Variants in CSNK1D observed in about 807,000 individuals in gnomAD.
CSNK1D encodes the protein casein kinase 1 delta, also known as casein kinase I isoform delta.
CSNK1D carries 16 observed loss-of-function variants against 46.6 expected under a neutral mutation model. The observed-to-expected ratio is 0.34, with a 90% CI of 0.23 to 0.52. CSNK1D has a LOEUF of 0.52. Ranked by LOEUF, CSNK1D falls within the 20% of genes least tolerant of loss-of-function variation. The pLI is 0.95. For synonymous variants in CSNK1D, 276 were observed against 228.2 expected (o/e 1.21, Z -1.89); for missense variants, 398 against 578.4 (o/e 0.69, Z 3.20).
rs552460097 is a variant in CSNK1D, at chr17:82,253,344, C to T, written c.337-100G>A. The stretch of plus-strand genomic sequence containing the variant: ...ACATCAGTGGCTGCATTGTTCCTGC[C>T]CCTCAGCCACAGCAGGGTAGTTTAA... On this transcript the variant is annotated intron_variant, in intron 3 of 8. Coordinates refer to ENST00000314028, the MANE Select transcript of CSNK1D (RefSeq NM_001893.6). 4.2e-6 allele frequency: 4 copies of T among 948,458 alleles called. No homozygotes were observed. The Admixed American group carries it at 6.8e-5, about 16-fold the overall frequency. 58.8% of individuals were successfully genotyped at this position (948,458 alleles called of 1,614,324 possible). A position where few individuals can be genotyped will look rare whatever the true frequency, so the allele number is the denominator to read the frequency against.
At position 82,273,637 on chromosome 17, in the gene CSNK1D, A is replaced by G. The variant is rs2051702532; in HGVS notation, c.-256T>C. On this transcript the variant is annotated 5_prime_UTR_variant, in exon 1 of 9. Coordinates refer to ENST00000314028, the MANE Select transcript of CSNK1D (RefSeq NM_001893.6). This position sits in a 1 kb window ranked among gnomAD's most constrained non-coding sequence, Gnocchi z 5.1. Reference sequence around the variant, plus strand: ...CTTGCCCTCTCCCCGCCGCGGATGGACTCGGATCTTCCGGGCCTAAATCCC... The same window carrying G: ...CTTGCCCTCTCCCCGCCGCGGATGGGCTCGGATCTTCCGGGCCTAAATCCC... 1 of 547,864 alleles carries G rather than the reference A, an allele frequency of 1.8e-6. No individual in the cohort carries two copies. The highest frequency in any genetic ancestry group is 2.3e-5 in the South Asian group (1 of 42,962). The allele number at this position is 547,864 out of a possible 1,614,324, so 33.9% of individuals were successfully genotyped here.
chr17:82,239,662 C>T (rs757974913), downstream of CSNK1D: 75 of 307,890 alleles, frequency 2.4e-4, no homozygotes, highest in Admixed American at 5.1e-4. Flanking sequence ...GCCTGGAGGC[C>T]GCTGTGCCAG....
intron 2 of CSNK1D, among the ~76,000 whole-genome samples, chr17:82,258,595 A>G (rs1326789316): frequency 3.3e-5 from 5 of 152,064 alleles, no homozygotes; most frequent in Non-Finnish European, 7.4e-5. Context: ...CTCCACTCCA[A>G]TGAGTCACAG....
rs1438359892 is a variant in CSNK1D at position 82,252,233 on chromosome 17, G to A, written c.736+201C>T. 1.3e-5 allele frequency among the ~76,000 whole-genome samples: 2 copies of A among 152,204 alleles called. No homozygotes were observed. The highest frequency in any genetic ancestry group is 2.1e-4 in the South Asian group (1 of 4,836). On this transcript the variant is annotated intron_variant, in intron 5 of 8. Transcript: ENST00000314028. This position sits in a 1 kb window ranked among gnomAD's most constrained non-coding sequence, Gnocchi z 4.6. ...GCCTCCAAGTACTCCCCACGCTGAT[G>A]GGCACTTGGCAAGTAAGTCAAGATG...
At chr17:82,262,720 C>A (rs1333266314) in intron 2 of CSNK1D, among the ~76,000 whole-genome samples, 1 of 152,194 alleles carries the variant, frequency 6.6e-6, no homozygotes, top group Non-Finnish European at 1.5e-5. Context: ...AGACACTGCA[C>A]AAGAATGGCA....
rs915461523 is a variant in CSNK1D at position 82,250,464 on chromosome 17, C to T, written c.886-862G>A. Reference sequence around the variant, plus strand: ...AGGGTCGCTCTGATTCCTCCCGAGGCAGCACAGCCCCGGCAGAGGGACTGA... The same window carrying T: ...AGGGTCGCTCTGATTCCTCCCGAGGTAGCACAGCCCCGGCAGAGGGACTGA... On this transcript the variant is annotated intron_variant, in intron 6 of 8. Coordinates refer to ENST00000314028, the MANE Select transcript of CSNK1D (RefSeq NM_001893.6). The surrounding 1 kb of genome is among the most constrained non-coding windows in gnomAD (Gnocchi z 4.6). 7 of 324,900 alleles carry T rather than the reference C, an allele frequency of 2.2e-5. No individual in the cohort carries two copies. The highest frequency in any genetic ancestry group is 4.3e-5 in the Non-Finnish European group (7 of 162,502). 20.1% of individuals were successfully genotyped at this position (324,900 alleles called of 1,614,324 possible). A position where few individuals can be genotyped will look rare whatever the true frequency, so the allele number is the denominator to read the frequency against.
rs1488610340 is a variant in CSNK1D at position 82,250,190 on chromosome 17, G to A, written c.886-588C>T. 1.6e-6 allele frequency: 2 copies of A among 1,289,780 alleles called. No individual in the cohort carries two copies. The highest frequency in any genetic ancestry group is 2.0e-6 in the Non-Finnish European group (2 of 988,910). 79.9% of individuals were successfully genotyped at this position (1,289,780 alleles called of 1,614,324 possible). On this transcript the variant is annotated intron_variant, in intron 6 of 8. Coordinates refer to ENST00000314028, the MANE Select transcript of CSNK1D (RefSeq NM_001893.6). This position sits in a 1 kb window ranked among gnomAD's most constrained non-coding sequence, Gnocchi z 4.6. ...AGCCGAGACAGCAACCTATGAAAAA[G>A]CAGATTCTAACTGCCAATGCTGTGC... is the stretch of plus-strand genomic sequence containing the variant.
In CSNK1D at chr17:82,273,290, G is replaced by A. The variant is rs2051687728; in HGVS notation, c.76+16C>T. 6.2e-7 allele frequency: 1 copy of A among 1,601,822 alleles called. No individual in the cohort carries two copies. The highest frequency in any genetic ancestry group is 8.5e-7 in the Non-Finnish European group (1 of 1,176,078). ...CCCGGGTCTTCGGGCGGCGGGCGGG[G>A]GCGGCGGGGCCTCACCGAGATAGAT... is the stretch of plus-strand genomic sequence containing the variant. On this transcript the variant is annotated intron_variant, in intron 1 of 8. Coordinates refer to ENST00000314028, the MANE Select transcript of CSNK1D (RefSeq NM_001893.6). This position sits in a 1 kb window ranked among gnomAD's most constrained non-coding sequence, Gnocchi z 5.1.
chr17:82,247,635 G>A (rs566282237), intron 8 of CSNK1D: 49 of 985,424 alleles, frequency 5.0e-5, no homozygotes, highest in Non-Finnish European at 5.5e-5. Flanking sequence ...CTGCTCACAG[G>A]AACTGATGCG....
chr17:82,252,914 G>T lies in CSNK1D; in HGVS notation c.565+102C>A. 1 of 1,100,634 alleles carries T rather than the reference G, an allele frequency of 9.1e-7. No individual in the cohort carries two copies. Among genetic ancestry groups the T allele is most frequent in the Non-Finnish European group, 1.4e-6 (1 of 735,522 alleles). 68.2% of individuals were successfully genotyped at this position (1,100,634 alleles called of 1,614,324 possible). ...GTCTGCCGCAAAGGTCTGATGACACGCTTGCAGCCCCAGCTCCCCGAGAGG... is the reference window on the plus strand; with the variant it reads ...GTCTGCCGCAAAGGTCTGATGACACTCTTGCAGCCCCAGCTCCCCGAGAGG... On this transcript the variant is annotated intron_variant, in intron 4 of 8. Coordinates refer to ENST00000314028, the MANE Select transcript of CSNK1D (RefSeq NM_001893.6). The surrounding 1 kb of genome is among the most constrained non-coding windows in gnomAD (Gnocchi z 4.6).
Position 82,243,753 on chromosome 17 carries a change from T to C in CSNK1D, c.*1028A>G. ...GGCATTCATACAGACGGAGTGCCAATCCGCACAGGAGCATTGAGTGCTGAG... is the reference window on the plus strand; with the variant it reads ...GGCATTCATACAGACGGAGTGCCAACCCGCACAGGAGCATTGAGTGCTGAG... On this transcript the variant is annotated 3_prime_UTR_variant, in exon 9 of 9. Coordinates refer to ENST00000314028, the MANE Select transcript of CSNK1D (RefSeq NM_001893.6). 1 of 985,376 alleles carries C rather than the reference T, an allele frequency of 1.0e-6. No homozygotes were observed. The highest frequency in any genetic ancestry group is 1.2e-6 in the Non-Finnish European group (1 of 829,952). 61.0% of individuals were successfully genotyped at this position (985,376 alleles called of 1,614,324 possible).
At chr17:82,270,101 G>A (rs1303226833) in intron 1 of CSNK1D, among the ~76,000 whole-genome samples, 3 of 152,216 alleles carry the variant, frequency 2.0e-5, no homozygotes, top group South Asian at 4.1e-4. Context: ...AGGGCCTTGC[G>A]GATCTGGCAA....
intron 8 of CSNK1D, chr17:82,247,673 A>T: frequency 1.3e-5 from 13 of 985,446 alleles, no homozygotes; most frequent in Non-Finnish European, 1.6e-5. Context: ...GAAAGAAGCC[A>T]GTTAAACCCT....
intron 2 of CSNK1D, among the ~76,000 whole-genome samples, chr17:82,264,934 A>C (rs1438500584): frequency 1.3e-5 from 2 of 151,008 alleles, no homozygotes; most frequent in East Asian, 2.0e-4. Flanking sequence ...AGTAGCTGGG[A>C]CTACAGGCGC....
chr17:82,249,066 C>A lies in CSNK1D; in HGVS notation c.1058-52G>T. 1 of 1,539,076 alleles carries A rather than the reference C, an allele frequency of 6.5e-7. No homozygotes were observed. Reference sequence around the variant, plus strand: ...GGCCGCCCCCGTCTGCTGCCTCTCACTCGGGGCTTTCTATGAGAGGCTGTG... The same window carrying A: ...GGCCGCCCCCGTCTGCTGCCTCTCAATCGGGGCTTTCTATGAGAGGCTGTG... On this transcript the variant is annotated intron_variant, in intron 7 of 8. Transcript: ENST00000314028. The surrounding 1 kb of genome is among the most constrained non-coding windows in gnomAD (Gnocchi z 6.7).
intron 2 of CSNK1D, among the ~76,000 whole-genome samples, chr17:82,256,510 CAA>C (rs766836720): frequency 1.9e-4 from 15 of 79,566 alleles, no homozygotes; most frequent in Admixed American, 1.4e-4. Context: ...AAGACCCTGT[CAA>C]AAAAAAAAAA....
chr17:82,247,947 C>G lies in CSNK1D; in HGVS notation c.1197+928G>C, dbSNP rs562462756. On this transcript the variant is annotated intron_variant, in intron 8 of 8. Coordinates refer to ENST00000314028, the MANE Select transcript of CSNK1D (RefSeq NM_001893.6). ...AAGTGGTCAAGAGTGCTCCCCACTC[C>G]GGCATGTTCCTGGCTAGCCAGCTAC... is the stretch of plus-strand genomic sequence containing the variant. 676 of 985,478 alleles carry G rather than the reference C, an allele frequency of 6.9e-4. 2 individuals are homozygous for G. Among genetic ancestry groups the G allele is most frequent in the Non-Finnish European group, 7.6e-4 (633 of 829,950 alleles). 61.0% of individuals were successfully genotyped at this position (985,478 alleles called of 1,614,324 possible). A position where few individuals can be genotyped will look rare whatever the true frequency, so the allele number is the denominator to read the frequency against.
At position 82,273,125 on chromosome 17, in the gene CSNK1D, T is replaced by C; in HGVS notation, c.76+181A>G. On this transcript the variant is annotated intron_variant, in intron 1 of 8. Transcript: ENST00000314028. This position sits in a 1 kb window ranked among gnomAD's most constrained non-coding sequence, Gnocchi z 5.1. ...CCCCTCCCCCACGTCCGCTCCCCAC[T>C]GCCCTCCCCACCCCTGGCCGCGCTA... is the stretch of plus-strand genomic sequence containing the variant. The C allele has an allele frequency of 4.3e-6, 1 of 233,030 alleles. No individual in the cohort carries two copies. The highest frequency in any genetic ancestry group is 5.2e-5 in the Admixed American group (1 of 19,074). 14.4% of individuals were successfully genotyped at this position (233,030 alleles called of 1,614,324 possible).
chr17:82,250,901 C>T lies in CSNK1D; in HGVS notation c.885+478G>A, dbSNP rs1466283047. ...AGGGCTGGGCTGCCTGTTTTAGAGG[C>T]TCCACTGCATACTCACACCGCATCA... is the stretch of plus-strand genomic sequence containing the variant. On this transcript the variant is annotated intron_variant, in intron 6 of 8. Coordinates refer to ENST00000314028, the MANE Select transcript of CSNK1D (RefSeq NM_001893.6). The surrounding 1 kb of genome is among the most constrained non-coding windows in gnomAD (Gnocchi z 4.6). 1.3e-5 allele frequency: 3 copies of T among 224,336 alleles called. No homozygotes were observed. The highest frequency in any genetic ancestry group is 2.7e-5 in the Non-Finnish European group (3 of 109,662). The allele number at this position is 224,336 out of a possible 1,614,324, so 13.9% of individuals were successfully genotyped here.
Sources: allele counts gnomAD v4.1 joint callset (sites outside exome capture counted in the v4.1 genomes callset), GRCh38; gene constraint gnomAD v4.1.1; non-coding constraint Gnocchi (gnomAD v3.1); transcripts MANE v1.5; gene names NCBI Gene and HGNC (gene_info 2026-07-23, HGNC 2026-07-21).